The following RAPGEF5 variants were observed in gnomAD, a reference collection of about 807,000 sequenced individuals.
RAPGEF5 encodes the protein M-Ras-regulated GEF.
In RAPGEF5, 65 loss-of-function variants were observed where a neutral mutation model predicts 125.2. That is an observed-to-expected ratio of 0.52 (90% CI 0.43 to 0.64). RAPGEF5 has a LOEUF of 0.64. RAPGEF5 is among the 30% of genes least tolerant of loss of function. RAPGEF5 has a pLI of 0.00. For missense variants in RAPGEF5, 958 were observed against 1,048.1 expected, an observed-to-expected ratio of 0.91 and a Z score of 1.19; for synonymous variants, 391 against 385.9, an observed-to-expected ratio of 1.01 and a Z score of -0.16.
intron 11 of RAPGEF5, among the ~76,000 whole-genome samples, chr7:22,176,547 TAG>T (rs1784514639): frequency 6.6e-6 from 1 of 152,208 alleles, no homozygotes. Context: ...ATTTTTGAGA[TAG>T]AGTCTTGCTC....
chr7:22,237,370 T>G (rs1299626122), intron 7 of RAPGEF5, among the ~76,000 whole-genome samples: 1 of 151,368 alleles, frequency 6.6e-6, no homozygotes, highest in East Asian at 1.9e-4. Context: ...CTGTTTTTTT[T>G]TTTTTGGATA....
At chr7:22,160,209 A>G (rs1783942589) in intron 14 of RAPGEF5, among the ~76,000 whole-genome samples, 1 of 152,200 alleles carries the variant, frequency 6.6e-6, no homozygotes, top group South Asian at 2.1e-4. Flanking sequence ...CCAAAATGAC[A>G]AGTTAAACAG....
rs1212047972 is a variant in RAPGEF5, at chr7:22,145,054, T to C, written c.2176A>G (p.Ile726Val). Residue 726 changes from isoleucine to valine, a missense_variant, in exon 20 of 26, where the codon ATT becomes GTT. Physicochemically the swap from Ile to Val is conservative, Grantham distance 29. Transcript: ENST00000665637. ...RVQLVKKFIK[I>V]AAHCKAQRNL... The stretch of plus-strand genomic sequence containing the variant: ...ACACTAGAAACTTACTGAGCCGCAA[T>C]TTTGATGAATTTTTTCACCAGCTGC... The C allele has an allele frequency of 6.2e-7, 1 of 1,613,028 alleles. No individual in the cohort carries two copies.
In RAPGEF5 at chr7:22,267,104, T is replaced by G; in HGVS notation, c.748-92A>C. The G allele has an allele frequency of 2.4e-6, 3 of 1,233,752 alleles. No individual in the cohort carries two copies. In the African/African-American group the frequency reaches 4.6e-5, roughly 19 times the overall value. The allele number at this position is 1,233,752 out of a possible 1,614,324, so 76.4% of individuals were successfully genotyped here. A position where few individuals can be genotyped will look rare whatever the true frequency, so the allele number is the denominator to read the frequency against. ...TTGTTCTTAGATATCCAACCCAAAT[T>G]CAGAGCTGTTTCAATTAAACCTAAG... On this transcript the variant is annotated intron_variant, in intron 6 of 25. Coordinates refer to ENST00000665637, the MANE Select transcript of RAPGEF5 (RefSeq NM_012294.5).
At chr7:22,247,863 T>C (rs542392213) in intron 7 of RAPGEF5, among the ~76,000 whole-genome samples, 2 of 152,280 alleles carry the variant, frequency 1.3e-5, no homozygotes, top group East Asian at 3.9e-4. Context: ...CTACGTGAAT[T>C]AACGCAGGAA....
intron 8 of RAPGEF5, 193 bp from the exon 9 acceptor site, chr7:22,220,184 T>TA (rs1361730540): frequency 7.8e-6 from 5 of 640,510 alleles, no homozygotes; most frequent in Admixed American, 3.0e-5. Flanking sequence ...CCAAAAGACT[T>TA]AAAGTTGAGT....
intron 16 of RAPGEF5, among the ~76,000 whole-genome samples, 189 bp downstream of exon 16, chr7:22,156,621 T>C (rs1227519541): frequency 6.6e-6 from 1 of 152,232 alleles, no homozygotes; most frequent in African/African-American, 2.4e-5. Flanking sequence ...CTTGGGACAG[T>C]ATTATGTGAT....
At chr7:22,142,825 T>C (rs1429311445) in intron 20 of RAPGEF5, among the ~76,000 whole-genome samples, 1 of 152,232 alleles carries the variant, frequency 6.6e-6, no homozygotes, top group Non-Finnish European at 1.5e-5. Flanking sequence ...GCAAATAGGA[T>C]GCCTCAGGCA....
Position 22,162,393 on chromosome 7 carries a change from T to C in RAPGEF5, c.1428+4A>G, listed in dbSNP as rs1236136065. 6.4e-7 allele frequency: 1 copy of C among 1,568,304 alleles called. No individual in the cohort carries two copies. Among genetic ancestry groups the C allele is most frequent in the African/African-American group, 1.4e-5 (1 of 73,752 alleles). ...TCAAAGAATATCTGGAAATGTTTGA[T>C]TACCTTTAAAAACATTTTTGAATGT... On this transcript the variant is annotated splice_donor_region_variant and intron_variant, in intron 13 of 25. Transcript: ENST00000665637.
intron 3 of RAPGEF5, among the ~76,000 whole-genome samples, chr7:22,313,577 G>A (rs530182192): frequency 7.2e-5 from 11 of 152,234 alleles, no homozygotes; most frequent in South Asian, 6.2e-4. Context: ...CCCTAAATCT[G>A]TTCTAATTTG....
At chr7:22,321,413 G>C (rs1440220348) in intron 1 of RAPGEF5, among the ~76,000 whole-genome samples, 4 of 152,330 alleles carry the variant, frequency 2.6e-5, no homozygotes, top group Non-Finnish European at 4.4e-5. Flanking sequence ...TTGCTAAACA[G>C]TGTAATAGAC....
At chr7:22,284,456 C>T (rs2128145580) in intron 6 of RAPGEF5, among the ~76,000 whole-genome samples, 1 of 152,288 alleles carries the variant, frequency 6.6e-6, no homozygotes, top group East Asian at 1.9e-4. Context: ...ACTGGTGCTT[C>T]CTTAATGCCC....
rs1583553736 is a variant in RAPGEF5 at position 22,291,562 on chromosome 7, T to C, written c.681-321A>G. On this transcript the variant is annotated intron_variant, in intron 5 of 25. Coordinates refer to ENST00000665637, the MANE Select transcript of RAPGEF5 (RefSeq NM_012294.5). ...TATATGGGCTTGCACAGAAGGTAGA[T>C]GCAAATAAAAGGTGGTTAAGTGCTG... Among the ~76,000 whole-genome samples, 14 of 152,322 alleles carry C rather than the reference T, an allele frequency of 9.2e-5. No individual in the cohort carries two copies. In the South Asian group the frequency reaches 2.9e-3, roughly 32 times the overall value.
At position 22,315,350 on chromosome 7, in the gene RAPGEF5, G is replaced by T; in HGVS notation, c.389+20C>A. ...TTCCTCAAAGAGAATTTCTGACAAG[G>T]TGTTAGAAAACTGTGTTACCTGTAA... is the stretch of plus-strand genomic sequence containing the variant. On this transcript the variant is annotated intron_variant, in intron 3 of 25. Coordinates refer to ENST00000665637, the MANE Select transcript of RAPGEF5 (RefSeq NM_012294.5). The T allele has an allele frequency of 2.0e-6, 3 of 1,532,796 alleles. No homozygotes were observed. Among genetic ancestry groups the T allele is most frequent in the Non-Finnish European group, 2.6e-6 (3 of 1,138,010 alleles). The allele number at this position is 1,532,796 out of a possible 1,614,324, so 94.9% of individuals were successfully genotyped here.
intron 8 of RAPGEF5, among the ~76,000 whole-genome samples, chr7:22,221,538 C>T (rs1345279624): frequency 1.3e-5 from 2 of 152,170 alleles, no homozygotes; most frequent in South Asian, 2.1e-4. Flanking sequence ...CCATAATCCC[C>T]ACATGTTGTG....
intron 24 of RAPGEF5, among the ~76,000 whole-genome samples, chr7:22,126,816 T>A (rs1782760249): frequency 6.6e-6 from 1 of 151,614 alleles, no homozygotes; most frequent in Non-Finnish European, 1.5e-5. Context: ...AGAGATGGGG[T>A]TTCACCATGT....
At chr7:22,128,757 C>T (rs1782824624) in intron 24 of RAPGEF5, among the ~76,000 whole-genome samples, 1 of 152,154 alleles carries the variant, frequency 6.6e-6, no homozygotes, top group Non-Finnish European at 1.5e-5. Flanking sequence ...TGGAGCCTGC[C>T]CTCTGAGGAA....
chr7:22,148,736 G>T (rs928874931), intron 18 of RAPGEF5, among the ~76,000 whole-genome samples: 1 of 152,192 alleles, frequency 6.6e-6, no homozygotes, highest in African/African-American at 2.4e-5. Context: ...GCCTTGGACA[G>T]TGGTAGATTG....
intron 1 of RAPGEF5, among the ~76,000 whole-genome samples, chr7:22,340,705 G>A (rs919126616): frequency 1.3e-5 from 2 of 152,242 alleles, no homozygotes; most frequent in South Asian, 2.1e-4. Context: ...AGGGTATTCC[G>A]CACTAGAACC....
Sources: gnomAD v4.1 joint callset for allele counts (sites outside exome capture counted in the v4.1 genomes callset) on GRCh38, gnomAD v4.1.1 for gene constraint, MANE v1.5 for transcripts, NCBI Gene and HGNC (gene_info 2026-07-23, HGNC 2026-07-21) for gene names.